The following WAC variants were observed in gnomAD, a reference collection of about 807,000 sequenced individuals.
WAC encodes WW domain-containing adapter protein with coiled-coil.
In WAC, 11 loss-of-function variants were observed where a neutral mutation model predicts 79.6. The ratio of observed to expected loss-of-function variants is 0.14; its 90% CI spans 0.09 to 0.23. WAC has a LOEUF of 0.23. WAC is among the 10% of genes least tolerant of loss of function. The probability of loss-of-function intolerance (pLI) is 1.00; values close to 1 mark genes in which losing one functional copy is unlikely to be tolerated. For synonymous variants in WAC, 304 were observed against 276.9 expected (o/e 1.10, Z -0.97); for missense variants, 728 against 773.5 (o/e 0.94, Z 0.70).
chr10:28,542,240 CTG>C (rs1428368841), intron 3 of WAC, among the ~76,000 whole-genome samples: 7 of 152,310 alleles, frequency 4.6e-5, no homozygotes, highest in African/African-American at 1.7e-4. Flanking sequence ...GCTGAACACT[CTG>C]AAACAGTCAT....
intron 9 of WAC, chr10:28,611,546 G>A: frequency 3.7e-6 from 5 of 1,364,672 alleles, no homozygotes; most frequent in Non-Finnish European, 4.8e-6. Context: ...ACATAAAGGA[G>A]AGTGGGCCAC....
At chr10:28,548,799 C>T (rs777048071) in intron 3 of WAC, among the ~76,000 whole-genome samples, 1 of 152,140 alleles carries the variant, frequency 6.6e-6, no homozygotes, top group Non-Finnish European at 1.5e-5. Context: ...GCTGTCTGAG[C>T]TGTCCAGTGT....
At chr10:28,542,743 C>T (rs1363876336) in intron 3 of WAC, among the ~76,000 whole-genome samples, 3 of 152,180 alleles carry the variant, frequency 2.0e-5, no homozygotes, top group African/African-American at 4.8e-5. Context: ...CTTGTAAATT[C>T]CTGTGCAGCT....
At chr10:28,574,940 TTGAA>T (rs1170658390) in intron 3 of WAC, among the ~76,000 whole-genome samples, 1 of 152,108 alleles carries the variant, frequency 6.6e-6, no homozygotes. Context: ...AAGTAGATGT[TTGAA>T]TGAATGAATG....
At chr10:28,541,961 C>A (rs186131838) in intron 3 of WAC, among the ~76,000 whole-genome samples, 198 of 152,290 alleles carry the variant, frequency 1.3e-3, no homozygotes, top group African/African-American at 4.6e-3. Flanking sequence ...ACATCTCTCT[C>A]AAGCTCACGG....
At chr10:28,563,265 T>G (rs1270786403) in intron 3 of WAC, among the ~76,000 whole-genome samples, 1 of 152,186 alleles carries the variant, frequency 6.6e-6, no homozygotes, top group Non-Finnish European at 1.5e-5. Context: ...TTGGGAAGAT[T>G]AGTAATACCC....
At chr10:28,550,437 T>C (rs1447052635) in intron 3 of WAC, among the ~76,000 whole-genome samples, 1 of 152,112 alleles carries the variant, frequency 6.6e-6, no homozygotes, top group Non-Finnish European at 1.5e-5. Context: ...AAGCCTTCCT[T>C]GAGCCTATCT....
intron 7 of WAC, among the ~76,000 whole-genome samples, chr10:28,600,386 C>T (rs532285564): frequency 7.2e-5 from 11 of 152,072 alleles, no homozygotes; most frequent in Non-Finnish European, 1.6e-4. Context: ...TGTGTTAAAG[C>T]TAGGCTCTTA....
intron 7 of WAC, among the ~76,000 whole-genome samples, chr10:28,603,570 G>A (rs989975449): frequency 6.6e-6 from 1 of 152,042 alleles, no homozygotes; most frequent in African/African-American, 2.4e-5. Flanking sequence ...ATGTTATTAA[G>A]CATATTAGCC....
At chr10:28,612,245 A>G (rs1048800441) in intron 10 of WAC, among the ~76,000 whole-genome samples, 1 of 152,240 alleles carries the variant, frequency 6.6e-6, no homozygotes, top group African/African-American at 2.4e-5. Flanking sequence ...ATGAATGAAC[A>G]TGTTTTCCAG....
In WAC at chr10:28,542,536, C is replaced by T. The variant is rs149410380; in HGVS notation, c.274+6779C>T. Among the ~76,000 whole-genome samples, 206 of 152,328 alleles carry T rather than the reference C, an allele frequency of 1.4e-3. 1 individual carries two copies. The highest frequency in any genetic ancestry group is 4.7e-3 in the African/African-American group (196 of 41,570). ...TAAAGAATAACACCGCAATAAATGG[C>T]ACTTTACCTTGACCAAAACCTGACT... On this transcript the variant is annotated intron_variant, in intron 3 of 13. Coordinates refer to ENST00000354911, the MANE Select transcript of WAC (RefSeq NM_016628.5).
intron 3 of WAC, among the ~76,000 whole-genome samples, chr10:28,576,626 A>G (rs1015765988): frequency 2.6e-5 from 4 of 152,214 alleles, no homozygotes; most frequent in African/African-American, 9.7e-5. Context: ...AAAATTTAGC[A>G]TGCTGTGCTA....
At position 28,617,775 on chromosome 10, in the gene WAC, G is replaced by T. The variant is rs759496172; in HGVS notation, c.1865G>T (p.Arg622Leu). ...VRVCEIQATL[R>L]EQRILFLRQQ... ...GTATGTGAAATTCAAGCAACTTTGC[G>T]AGAGCAAAGGTAAGTCTTTCACTGA... Residue 622 changes from arginine to leucine, a missense_variant, in exon 13 of 14, where the codon CGA becomes CTA. Physicochemically the swap from Arg to Leu is moderately radical, Grantham distance 102. Coordinates refer to ENST00000354911, the MANE Select transcript of WAC (RefSeq NM_016628.5). 7 of 1,583,142 alleles carry T rather than the reference G, an allele frequency of 4.4e-6. No homozygotes were observed. Among genetic ancestry groups the T allele is most frequent in the East Asian group, 4.5e-5 (2 of 44,154 alleles).
At chr10:28,609,385 T>A in intron 8 of WAC, among the ~76,000 whole-genome samples, 1 of 152,234 alleles carries the variant, frequency 6.6e-6, no homozygotes, top group African/African-American at 2.4e-5. Flanking sequence ...AATAAAGTGA[T>A]CAATTTTTAT....
At chr10:28,551,573 T>A (rs1837670846) in intron 3 of WAC, among the ~76,000 whole-genome samples, 2 of 152,232 alleles carry the variant, frequency 1.3e-5, no homozygotes, top group South Asian at 4.1e-4. Context: ...TCTTATTTTT[T>A]ATCTGAAACA....
In WAC at chr10:28,571,901, T is replaced by C. The variant is rs150226623; in HGVS notation, c.275-11498T>C. On this transcript the variant is annotated intron_variant, in intron 3 of 13. Transcript: ENST00000354911. Reference sequence around the variant, plus strand: ...TACTTGCTCACCTTTTAGAATCTTATTATAATTTGATAAATTTTTATAAAA... The same window carrying C: ...TACTTGCTCACCTTTTAGAATCTTACTATAATTTGATAAATTTTTATAAAA... Among the ~76,000 whole-genome samples, 328 of 152,360 alleles carry C rather than the reference T, an allele frequency of 2.2e-3. 1 individual carries two copies. The highest frequency in any genetic ancestry group is 7.6e-3 in the African/African-American group (315 of 41,574).
chr10:28,615,927 C>G (rs1841447442), intron 11 of WAC: 1 of 367,536 alleles, frequency 2.7e-6, no homozygotes. Context: ...GTTCTGCTCT[C>G]AGATTTGGAG....
intron 7 of WAC, among the ~76,000 whole-genome samples, chr10:28,603,890 C>T (rs1268780317): frequency 7.0e-6 from 1 of 141,952 alleles, no homozygotes; most frequent in Non-Finnish European, 1.5e-5. Context: ...GCTGAGATTG[C>T]ACCACTGCAC....
chr10:28,548,801 G>A (rs1837505009), intron 3 of WAC, among the ~76,000 whole-genome samples: 1 of 152,180 alleles, frequency 6.6e-6, no homozygotes. Flanking sequence ...TGTCTGAGCT[G>A]TCCAGTGTGG....
Sources: allele counts gnomAD v4.1 joint callset (sites outside exome capture counted in the v4.1 genomes callset), GRCh38; gene constraint gnomAD v4.1.1; transcripts MANE v1.5; gene names NCBI Gene and HGNC (gene_info 2026-07-23, HGNC 2026-07-21).